The following PTPRT variants were observed in gnomAD, a reference collection of about 807,000 sequenced individuals.
PTPRT encodes receptor-type tyrosine-protein phosphatase T.
A neutral mutation model predicts 176.8 loss-of-function variants in PTPRT; 56 were observed. The observed-to-expected ratio is 0.32, with a 90% CI of 0.26 to 0.40. PTPRT has a LOEUF of 0.40. PTPRT is among the 10% of genes least tolerant of loss of function. The pLI, the probability that PTPRT is intolerant of heterozygous loss-of-function variation, is 1.00. For missense variants in PTPRT, 1,540 were observed against 1,908.2 expected (o/e 0.81, Z 3.60); for synonymous variants, 783 against 739.0 (o/e 1.06, Z -0.96).
intron 1 of PTPRT, among the ~76,000 whole-genome samples, chr20:42,954,343 C>T (rs560043516): frequency 8.6e-4 from 131 of 152,246 alleles, no homozygotes; most frequent in Non-Finnish European, 1.0e-3. Context: ...GTTTGGTGAG[C>T]AGGACTGGAG....
intron 1 of PTPRT, among the ~76,000 whole-genome samples, chr20:42,954,842 A>G (rs888858941): frequency 6.6e-6 from 1 of 152,044 alleles, no homozygotes; most frequent in African/African-American, 2.4e-5. Flanking sequence ...CCTTAGAATC[A>G]CAATAGTAGG....
At chr20:42,736,688 G>C (rs1019992689) in intron 6 of PTPRT, among the ~76,000 whole-genome samples, 1 of 151,474 alleles carries the variant, frequency 6.6e-6, no homozygotes, top group African/African-American at 2.5e-5. Context: ...TGGCTGGAGA[G>C]AGACTATGGC....
chr20:42,524,865 A>G (rs1315921229), intron 7 of PTPRT, among the ~76,000 whole-genome samples: 1 of 151,936 alleles, frequency 6.6e-6, no homozygotes, highest in East Asian at 1.9e-4. Context: ...CAATTCATTA[A>G]TTCTCTTCTC....
chr20:42,997,138 T>C (rs867912265), intron 1 of PTPRT, among the ~76,000 whole-genome samples: 9 of 152,162 alleles, frequency 5.9e-5, no homozygotes, highest in African/African-American at 9.7e-5. Flanking sequence ...TTTTAGCAGA[T>C]GGTATTTTCC....
chr20:43,048,234 G>C (rs1006182593), intron 1 of PTPRT, among the ~76,000 whole-genome samples: 2 of 152,092 alleles, frequency 1.3e-5, no homozygotes, highest in Admixed American at 6.6e-5. Flanking sequence ...GGAAGGGGTC[G>C]CTCAGGAGGA....
chr20:42,581,444 C>T (rs2073368946), intron 7 of PTPRT, among the ~76,000 whole-genome samples: 1 of 151,528 alleles, frequency 6.6e-6, no homozygotes, highest in Non-Finnish European at 1.5e-5. Context: ...TTTATTGGTG[C>T]ATCCAAACCT....
chr20:42,620,859 A>G (rs545532209), intron 7 of PTPRT, among the ~76,000 whole-genome samples: 196 of 152,222 alleles, frequency 1.3e-3, no homozygotes, highest in African/African-American at 4.6e-3. Context: ...CTAGTGAGAT[A>G]AACCCGGTAC....
At chr20:42,104,746 G>T in intron 24 of PTPRT, 28 bp from the exon 25 acceptor site, 3 of 1,541,682 alleles carry the variant, frequency 1.9e-6, no homozygotes, top group Non-Finnish European at 2.7e-6. Flanking sequence ...AGGGAATGGG[G>T]TGCCAGGTAA....
intron 7 of PTPRT, among the ~76,000 whole-genome samples, chr20:42,611,131 T>G (rs1272539465): frequency 6.6e-6 from 1 of 152,184 alleles, no homozygotes; most frequent in Non-Finnish European, 1.5e-5. Context: ...GCTATGAGCA[T>G]TCATGTACAA....
chr20:42,173,013 T>A (rs1990142123), intron 16 of PTPRT, among the ~76,000 whole-genome samples: 1 of 152,202 alleles, frequency 6.6e-6, no homozygotes, highest in Non-Finnish European at 1.5e-5. Context: ...GACCACAATA[T>A]GTGGCTGGTC....
intron 11 of PTPRT, among the ~76,000 whole-genome samples, chr20:42,322,646 C>T (rs1387879957): frequency 6.6e-6 from 1 of 151,390 alleles, no homozygotes; most frequent in Non-Finnish European, 1.5e-5. Context: ...AGACCTAAAA[C>T]CATAAAAAAC....
At chr20:42,368,244 T>G (rs1298437237) in intron 9 of PTPRT, among the ~76,000 whole-genome samples, 1 of 152,050 alleles carries the variant, frequency 6.6e-6, no homozygotes, top group Non-Finnish European at 1.5e-5. Flanking sequence ...TGAACACAAA[T>G]TCAGGGTATT....
chr20:42,126,052 G>T (rs1017063623), intron 19 of PTPRT, among the ~76,000 whole-genome samples: 1 of 151,566 alleles, frequency 6.6e-6, no homozygotes, highest in South Asian at 2.1e-4. Context: ...AGGAGAAAGA[G>T]TGCTAAACTG....
chr20:42,090,225 T>G (rs924736323), intron 27 of PTPRT, among the ~76,000 whole-genome samples: 1 of 146,300 alleles, frequency 6.8e-6, no homozygotes, highest in Non-Finnish European at 1.5e-5. Context: ...CAAACCAAGA[T>G]GGATAAATAG....
intron 16 of PTPRT, among the ~76,000 whole-genome samples, chr20:42,184,614 T>TCCTCTTCTTCTCCTCCTCCTC (rs1372340702): frequency 1.4e-5 from 2 of 142,568 alleles, no homozygotes; most frequent in Admixed American, 1.4e-4. Flanking sequence ...TTCTTCTTCT[T>TCCTCTTCTTCTCCTCCTCCTC]CTCCTCCTTC....
chr20:42,331,153 C>T (rs2057958769), intron 11 of PTPRT, among the ~76,000 whole-genome samples: 1 of 151,834 alleles, frequency 6.6e-6, no homozygotes, highest in Non-Finnish European at 1.5e-5. Context: ...CCCCTTTATA[C>T]TCCTGTCAAG....
intron 7 of PTPRT, among the ~76,000 whole-genome samples, chr20:42,538,840 C>T (rs563995583): frequency 2.3e-4 from 35 of 152,280 alleles, no homozygotes; most frequent in African/African-American, 8.4e-4. Flanking sequence ...TGGACACATT[C>T]ATACTCCCAC....
intron 9 of PTPRT, among the ~76,000 whole-genome samples, chr20:42,367,710 C>A: frequency 6.6e-6 from 1 of 151,906 alleles, no homozygotes; most frequent in East Asian, 1.9e-4. Context: ...TCAGCAAGGA[C>A]GTCATGGAGG....
At chr20:42,916,080 C>A (rs1978726535) in intron 1 of PTPRT, among the ~76,000 whole-genome samples, 1 of 151,750 alleles carries the variant, frequency 6.6e-6, no homozygotes, top group South Asian at 2.1e-4. Flanking sequence ...CATCATTTAG[C>A]ATTAGGTATA....
Sources: gnomAD v4.1 joint callset for allele counts (sites outside exome capture counted in the v4.1 genomes callset) on GRCh38, gnomAD v4.1.1 for gene constraint, MANE v1.5 for transcripts, NCBI Gene and HGNC (gene_info 2026-07-23, HGNC 2026-07-21) for gene names.